Variants in TBC1D1 observed in about 807,000 individuals in gnomAD.
TBC1D1 encodes the protein TBC1 domain family member 1, also known as TBC1 (tre-2/USP6, BUB2, cdc16) domain family, member 1.
In TBC1D1, 89 loss-of-function variants were observed where a neutral mutation model predicts 125.6. The observed-to-expected ratio is 0.71, with a 90% CI of 0.60 to 0.85. TBC1D1 has a LOEUF of 0.85. Ranked by LOEUF, TBC1D1 falls within the 40% of genes least tolerant of loss-of-function variation. The pLI, the probability that TBC1D1 is intolerant of heterozygous loss-of-function variation, is 0.00. For missense variants in TBC1D1, 1,377 were observed against 1,469.2 expected (o/e 0.94, Z 1.03); for synonymous variants, 565 against 564.1 (o/e 1.00, Z -0.02).
Position 38,052,182 on chromosome 4 carries a change from T to A in TBC1D1, c.1911-2017T>A, listed in dbSNP as rs199599619. On this transcript the variant is annotated intron_variant, in intron 11 of 19. Coordinates refer to ENST00000261439, the MANE Select transcript of TBC1D1 (RefSeq NM_015173.4). ...AGCAGAGCCACTGTGTGTGTGTGTG[T>A]GTGTGTGTGTGTGCGCGCGCGTGTG... is the stretch of plus-strand genomic sequence containing the variant. The A allele has an allele frequency of 1.8e-3, 1,413 of 804,546 alleles. 27 individuals are homozygous for A. The East Asian group carries it at 0.036, about 20-fold the overall frequency. 49.8% of individuals were successfully genotyped at this position (804,546 alleles called of 1,614,324 possible).
At chr4:38,075,046 AC>A (rs1264734488) in intron 12 of TBC1D1, among the ~76,000 whole-genome samples, 1 of 152,194 alleles carries the variant, frequency 6.6e-6, no homozygotes, top group Non-Finnish European at 1.5e-5. Flanking sequence ...GGCGTGAGCC[AC>A]CGCGCCTGGC....
At chr4:38,123,740 C>T (rs913419588) in intron 17 of TBC1D1, among the ~76,000 whole-genome samples, 1 of 152,200 alleles carries the variant, frequency 6.6e-6, no homozygotes, top group African/African-American at 2.4e-5. Flanking sequence ...TAGGGCTGCA[C>T]CCATCTCAGC....
rs544497764 is a variant in TBC1D1, at chr4:38,055,621, CT to C, written c.2050+1289del. Among the ~76,000 whole-genome samples, 6 of 152,242 alleles carry C rather than the reference CT, an allele frequency of 3.9e-5. No homozygotes were observed. In the South Asian group the frequency reaches 1.2e-3, roughly 32 times the overall value. ...CCATGGAGCTGCCACTCACCAGCAC[CT>C]TTTTTCCCTCAAGTAGTTTGTACCT... On this transcript the variant is annotated intron_variant, in intron 12 of 19. Transcript: ENST00000261439.
chr4:38,104,159 C>CAAAAAAAA (rs71658758), intron 15 of TBC1D1, among the ~76,000 whole-genome samples: 3 of 83,958 alleles, frequency 3.6e-5, no homozygotes, highest in Admixed American at 1.4e-4. Context: ...GACTCTGTCT[C>CAAAAAAAA]AAAAAAAAAA....
chr4:38,088,758 C>G (rs1396134464), intron 12 of TBC1D1, among the ~76,000 whole-genome samples: 1 of 152,098 alleles, frequency 6.6e-6, no homozygotes, highest in African/African-American at 2.4e-5. Flanking sequence ...ACCCACTTGA[C>G]AGATCGGGAA....
chr4:38,061,573 A>G (rs1752777742), intron 12 of TBC1D1, among the ~76,000 whole-genome samples: 1 of 152,234 alleles, frequency 6.6e-6, no homozygotes, highest in Non-Finnish European at 1.5e-5. Context: ...TCTTGTAAAA[A>G]AAAGCCTAAT....
In TBC1D1 at chr4:38,107,601, T is replaced by G. The variant is rs199926097; in HGVS notation, c.2557+4444T>G. Among the ~76,000 whole-genome samples the G allele has an allele frequency of 1.8e-3, 238 of 131,922 alleles. No individual in the cohort carries two copies. In the East Asian group the frequency reaches 0.019, roughly 11 times the overall value. 86.5% of individuals were successfully genotyped at this position (131,922 alleles called of 152,430 possible). ...GGTTTTTTTTTTTTTTTTTTTTTTT[T>G]GGCAATGTGTTTTCCTCCAAAGAGT... On this transcript the variant is annotated intron_variant, in intron 15 of 19. Coordinates refer to ENST00000261439, the MANE Select transcript of TBC1D1 (RefSeq NM_015173.4).
At chr4:37,910,780 TAAAAC>T (rs1328786439) in intron 2 of TBC1D1, among the ~76,000 whole-genome samples, 4 of 152,068 alleles carry the variant, frequency 2.6e-5, no homozygotes, top group Non-Finnish European at 5.9e-5. Context: ...TTGTACATTT[TAAAAC>T]AAAAGAGTGT....
intron 15 of TBC1D1, among the ~76,000 whole-genome samples, chr4:38,105,735 C>G (rs910201758): frequency 2.3e-4 from 35 of 152,160 alleles, no homozygotes; most frequent in African/African-American, 8.0e-4. Flanking sequence ...TAATGACCTG[C>G]AGCTGCATCC....
intron 12 of TBC1D1, among the ~76,000 whole-genome samples, chr4:38,082,735 C>T (rs992149113): frequency 3.3e-5 from 5 of 152,304 alleles, no homozygotes; most frequent in Admixed American, 6.5e-5. Context: ...GCCCTGGGCT[C>T]GCCCACCCAG....
intron 2 of TBC1D1, among the ~76,000 whole-genome samples, chr4:37,959,703 G>A (rs1256204575): frequency 6.6e-6 from 1 of 152,196 alleles, no homozygotes; most frequent in Non-Finnish European, 1.5e-5. Flanking sequence ...CTTATCTCTA[G>A]GCCTTAGAAA....
At chr4:38,097,489 G>T (rs975553551) in intron 14 of TBC1D1, among the ~76,000 whole-genome samples, 1 of 152,040 alleles carries the variant, frequency 6.6e-6, no homozygotes. Context: ...ACAGGTGCCC[G>T]CCACCATGCC....
At chr4:38,028,135 AAAAC>A (rs1745425741) in intron 7 of TBC1D1, among the ~76,000 whole-genome samples, 1 of 151,966 alleles carries the variant, frequency 6.6e-6, no homozygotes, top group Non-Finnish European at 1.5e-5. Flanking sequence ...ACAAACAAAA[AAAAC>A]AGCAAAAAAA....
chr4:37,909,359 G>A (rs79235008), intron 2 of TBC1D1, among the ~76,000 whole-genome samples: 55 of 152,280 alleles, frequency 3.6e-4, no homozygotes, highest in African/African-American at 1.3e-3. Flanking sequence ...TTATTTTTGA[G>A]TGTCGCTTTG....
rs532171558 is a variant in TBC1D1, at chr4:38,049,228, T to C, written c.1630-390T>C. Among the ~76,000 whole-genome samples, 10 of 152,252 alleles carry C rather than the reference T, an allele frequency of 6.6e-5. No homozygotes were observed. In the South Asian group the frequency reaches 8.3e-4, roughly 13 times the overall value. On this transcript the variant is annotated intron_variant, in intron 10 of 19. Transcript: ENST00000261439. ...TGTGGGTTTAACATGAGTGAACACA[T>C]GTGGCAAAGATAAAGAACTTGGTTA...
intron 2 of TBC1D1, among the ~76,000 whole-genome samples, chr4:37,941,060 C>T (rs1415063824): frequency 1.3e-5 from 2 of 152,086 alleles, no homozygotes; most frequent in African/African-American, 4.8e-5. Context: ...GGGAGGATTC[C>T]CTCTTTTCTA....
At chr4:37,973,723 GT>G (rs1732505356) in intron 2 of TBC1D1, among the ~76,000 whole-genome samples, 1 of 152,166 alleles carries the variant, frequency 6.6e-6, no homozygotes, top group African/African-American at 2.4e-5. Context: ...AGCTGAACTG[GT>G]TCATACCAGC....
chr4:37,954,265 G>A (rs1196373035), intron 2 of TBC1D1, among the ~76,000 whole-genome samples: 2 of 152,050 alleles, frequency 1.3e-5, no homozygotes, highest in Non-Finnish European at 2.9e-5. Context: ...GCCAGACGTG[G>A]GTCACATGTT....
At chr4:38,025,187 C>G (rs912779116) in intron 6 of TBC1D1, among the ~76,000 whole-genome samples, 4 of 152,244 alleles carry the variant, frequency 2.6e-5, no homozygotes, top group African/African-American at 4.8e-5. Flanking sequence ...GTTTCTGCAC[C>G]GCCAGGGAGG....
Sources: allele counts gnomAD v4.1 joint callset (sites outside exome capture counted in the v4.1 genomes callset), GRCh38; gene constraint gnomAD v4.1.1; transcripts MANE v1.5; gene names NCBI Gene and HGNC (gene_info 2026-07-23, HGNC 2026-07-21).